The following NBEA variants were observed in gnomAD, a reference collection of about 807,000 sequenced individuals.
NBEA encodes the protein lysosomal-trafficking regulator 2.
Under a neutral mutation model 343.4 loss-of-function variants are expected in NBEA, and 44 were observed. The ratio of observed to expected loss-of-function variants is 0.13; its 90% confidence interval spans 0.10 to 0.16. The LOEUF (loss-of-function observed/expected upper bound fraction) is 0.16, where lower values mean the gene tolerates loss of function less well. Among genes scored for constraint, NBEA ranks in the 10% least tolerant of loss-of-function variants. The pLI is 1.00. For missense variants in NBEA, 2,555 were observed against 3,631.3 expected, an observed-to-expected ratio of 0.70 and a Z score of 7.62; for synonymous variants, 1,175 against 1,238.7, an observed-to-expected ratio of 0.95 and a Z score of 1.08.
At chr13:35,526,569 C>G (rs2077986589) in intron 41 of NBEA, among the ~76,000 whole-genome samples, 1 of 152,160 alleles carries the variant, frequency 6.6e-6, no homozygotes, top group South Asian at 2.1e-4. Flanking sequence ...ACCCAGTGTC[C>G]TTGGAGTGTC....
At chr13:35,372,335 G>A (rs2041480383) in intron 38 of NBEA, among the ~76,000 whole-genome samples, 1 of 152,150 alleles carries the variant, frequency 6.6e-6, no homozygotes, top group African/African-American at 2.4e-5. Context: ...TGGTGGTAGT[G>A]GCAAATTGGG....
intron 1 of NBEA, among the ~76,000 whole-genome samples, chr13:35,019,167 T>C (rs1307458238): frequency 5.9e-5 from 9 of 152,022 alleles, no homozygotes; most frequent in African/African-American, 1.2e-4. Flanking sequence ...ATATTAAGTG[T>C]TTTTGTGTCT....
intron 35 of NBEA, among the ~76,000 whole-genome samples, chr13:35,304,761 AT>A (rs1863057924): frequency 6.6e-6 from 1 of 152,168 alleles, no homozygotes; most frequent in African/African-American, 2.4e-5. Flanking sequence ...GTTTTTAAAA[AT>A]TTTTTATATT....
chr13:35,564,919 T>C (rs944669500), intron 44 of NBEA, among the ~76,000 whole-genome samples: 2 of 152,244 alleles, frequency 1.3e-5, no homozygotes, highest in Admixed American at 1.3e-4. Flanking sequence ...TGCATATCCA[T>C]TCCATCAACA....
At chr13:35,614,458 G>T (rs761378326) in intron 48 of NBEA, among the ~76,000 whole-genome samples, 1 of 152,248 alleles carries the variant, frequency 6.6e-6, no homozygotes, top group Non-Finnish European at 1.5e-5. Context: ...AATGAAAATT[G>T]GTTGTTTACA....
intron 38 of NBEA, among the ~76,000 whole-genome samples, chr13:35,428,000 G>A (rs964640344): frequency 6.6e-6 from 1 of 152,166 alleles, no homozygotes; most frequent in Non-Finnish European, 1.5e-5. Context: ...GTATTAGGGT[G>A]GGAGTGACCT....
At chr13:34,983,936 A>T (rs1253466202) in intron 1 of NBEA, among the ~76,000 whole-genome samples, 1 of 152,282 alleles carries the variant, frequency 6.6e-6, no homozygotes, top group East Asian at 1.9e-4. Context: ...TCAGATGGGT[A>T]GATTGCAAAA....
chr13:35,505,740 GTT>G, intron 41 of NBEA, among the ~76,000 whole-genome samples: 1 of 152,220 alleles, frequency 6.6e-6, no homozygotes, highest in Non-Finnish European at 1.5e-5. Flanking sequence ...GTATCCATGA[GTT>G]TTAATATCTG....
chr13:35,627,716 G>GT (rs1377402543), intron 48 of NBEA, among the ~76,000 whole-genome samples: 1 of 152,140 alleles, frequency 6.6e-6, no homozygotes, highest in Non-Finnish European at 1.5e-5. Context: ...AAATGAAACT[G>GT]TAACATGGTA....
chr13:35,245,700 G>A (rs1458526262), intron 34 of NBEA, among the ~76,000 whole-genome samples: 1 of 152,048 alleles, frequency 6.6e-6, no homozygotes, highest in Non-Finnish European at 1.5e-5. Flanking sequence ...TGATGCTTTT[G>A]CCCAACAGCT....
At chr13:35,429,105 G>T (rs1215295800) in intron 38 of NBEA, among the ~76,000 whole-genome samples, 1 of 152,224 alleles carries the variant, frequency 6.6e-6, no homozygotes, top group Non-Finnish European at 1.5e-5. Context: ...GTGGGGAGGG[G>T]GAGGGATGCC....
chr13:35,000,593 A>AACACACACACAC (rs58091499), intron 1 of NBEA, among the ~76,000 whole-genome samples: 8 of 147,810 alleles, frequency 5.4e-5, no homozygotes, highest in African/African-American at 1.7e-4. Flanking sequence ...TAATATATAT[A>AACACACACACAC]ACACACACAC....
chr13:35,333,091 A>G (rs2039027793), intron 36 of NBEA, among the ~76,000 whole-genome samples: 1 of 152,158 alleles, frequency 6.6e-6, no homozygotes. Context: ...TGTTATCACC[A>G]GAAACAAAAG....
intron 38 of NBEA, among the ~76,000 whole-genome samples, 173 bp downstream of exon 38, chr13:35,352,496 G>C (rs1210543153): frequency 6.6e-6 from 1 of 151,882 alleles, no homozygotes; most frequent in Non-Finnish European, 1.5e-5. Flanking sequence ...AGAGTTTAAG[G>C]GAAAACCTAA....
intron 30 of NBEA, among the ~76,000 whole-genome samples, chr13:35,194,235 G>A (rs1185343145): frequency 6.6e-6 from 1 of 151,928 alleles, no homozygotes. Context: ...TTTTTAGTAT[G>A]TGTGTACAAA....
chr13:35,308,036 A>AT (rs1192556953), intron 35 of NBEA, among the ~76,000 whole-genome samples: 1 of 151,868 alleles, frequency 6.6e-6, no homozygotes, highest in Non-Finnish European at 1.5e-5. Flanking sequence ...CTAGTTGTTG[A>AT]TTTTCTCTCC....
intron 10 of NBEA, among the ~76,000 whole-genome samples, chr13:35,082,431 C>A (rs2064463262): frequency 6.6e-6 from 1 of 151,998 alleles, no homozygotes; most frequent in South Asian, 2.1e-4. Flanking sequence ...GGATATATAC[C>A]CAGTAATGGG....
intron 38 of NBEA, among the ~76,000 whole-genome samples, chr13:35,395,766 A>G (rs1360946901): frequency 6.6e-6 from 1 of 152,100 alleles, no homozygotes; most frequent in Non-Finnish European, 1.5e-5. Flanking sequence ...TTGTGAGATT[A>G]TTTATTCCTA....
chr13:35,500,927 T>C (rs2076864185), intron 41 of NBEA, among the ~76,000 whole-genome samples: 1 of 152,062 alleles, frequency 6.6e-6, no homozygotes, highest in African/African-American at 2.4e-5. Flanking sequence ...ATATTTATAT[T>C]TAGCCATATT....
Sources: allele counts gnomAD v4.1 joint callset (sites outside exome capture counted in the v4.1 genomes callset), GRCh38; gene constraint gnomAD v4.1.1; transcripts MANE v1.5; gene names NCBI Gene and HGNC (gene_info 2026-07-23, HGNC 2026-07-21).